The following FARS2 variants were observed in gnomAD, a reference collection of about 807,000 sequenced individuals.
FARS2 encodes the protein phenylalanine--tRNA ligase, mitochondrial.
In FARS2, 40 loss-of-function variants were observed where a neutral mutation model predicts 46.4. The observed-to-expected ratio is 0.86, with a 90% CI of 0.67 to 1.12. FARS2 has a LOEUF of 1.12. FARS2 is among the 50% of genes most tolerant of loss of function. The probability of loss-of-function intolerance (pLI) is 0.00; values close to 1 mark genes in which losing one functional copy is unlikely to be tolerated. For missense variants in FARS2, 513 were observed against 567.9 expected (o/e 0.90, Z 0.98); for synonymous variants, 234 against 214.9 (o/e 1.09, Z -0.78).
At chr6:5,536,414 G>A (rs944141146) in intron 4 of FARS2, among the ~76,000 whole-genome samples, 1 of 152,082 alleles carries the variant, frequency 6.6e-6, no homozygotes, top group African/African-American at 2.4e-5. Flanking sequence ...TGAAAAAATA[G>A]GAGTGTCTGC....
intron 6 of FARS2, among the ~76,000 whole-genome samples, chr6:5,657,450 A>T (rs532336154): frequency 6.6e-6 from 1 of 152,214 alleles, no homozygotes; most frequent in Non-Finnish European, 1.5e-5. Context: ...GCGGGAAATC[A>T]TTGAAATATT....
chr6:5,251,797 C>A, the FARS2 span, among the ~76,000 whole-genome samples: 1 of 152,152 alleles, frequency 6.6e-6, no homozygotes, highest in African/African-American at 2.4e-5. Flanking sequence ...GAGGCAGTCA[C>A]TGTTAAAAGA....
intron 1 of FARS2, among the ~76,000 whole-genome samples, chr6:5,305,936 C>T (rs926473220): frequency 2.0e-5 from 3 of 152,194 alleles, no homozygotes; most frequent in African/African-American, 7.2e-5. Context: ...CAATTCTATT[C>T]AAACTTACAG....
At chr6:5,595,278 A>G (rs1363698409) in intron 5 of FARS2, among the ~76,000 whole-genome samples, 2 of 152,152 alleles carry the variant, frequency 1.3e-5, no homozygotes, top group Non-Finnish European at 2.9e-5. Context: ...TAATCCCTTC[A>G]TACCTTGTGC....
chr6:5,693,756 A>G (rs1757919337), intron 6 of FARS2, among the ~76,000 whole-genome samples: 1 of 152,144 alleles, frequency 6.6e-6, no homozygotes, highest in African/African-American at 2.4e-5. Context: ...CTGGCACTGG[A>G]CGCTGGCTGG....
chr6:5,591,288 G>A (rs1385027185), intron 5 of FARS2, among the ~76,000 whole-genome samples: 1 of 152,152 alleles, frequency 6.6e-6, no homozygotes, highest in Non-Finnish European at 1.5e-5. Context: ...CAGGAACAAG[G>A]GAAAACACTA....
At chr6:5,693,499 G>A (rs1211763662) in intron 6 of FARS2, among the ~76,000 whole-genome samples, 1 of 152,220 alleles carries the variant, frequency 6.6e-6, no homozygotes, top group East Asian at 1.9e-4. Flanking sequence ...GTTTTGCACT[G>A]CTTTGGGGAA....
chr6:5,641,273 C>T (rs559074380), intron 6 of FARS2, among the ~76,000 whole-genome samples: 105 of 151,634 alleles, frequency 6.9e-4, no homozygotes, highest in African/African-American at 2.4e-3. Flanking sequence ...ATCCGTTTCA[C>T]GTGTCCCCAG....
intron 6 of FARS2, among the ~76,000 whole-genome samples, chr6:5,633,848 T>G (rs1380536839): frequency 2.0e-5 from 3 of 152,202 alleles, no homozygotes; most frequent in Non-Finnish European, 4.4e-5. Flanking sequence ...CTGTTGGCAT[T>G]TTACAAACAG....
At chr6:5,536,035 C>T (rs1770170858) in intron 4 of FARS2, among the ~76,000 whole-genome samples, 1 of 150,072 alleles carries the variant, frequency 6.7e-6, no homozygotes, top group Non-Finnish European at 1.5e-5. Context: ...CTTTAAACCT[C>T]TAGTTTTAAT....
At chr6:5,701,286 A>G (rs1037563975) in intron 6 of FARS2, among the ~76,000 whole-genome samples, 4 of 152,254 alleles carry the variant, frequency 2.6e-5, no homozygotes, top group African/African-American at 9.6e-5. Context: ...GGTCAAACAC[A>G]TGAAAAGCCG....
At position 5,717,925 on chromosome 6, in the gene FARS2, T is replaced by TAGAGAGAGAGAGAGAGAGAGAGAGAG. The variant is rs759754794; in HGVS notation, c.1218-53365_1218-53364insGAGAGAGAGAGAGAGAGAGAGAGAGA. ...GGTATCAGCTATATATATATATATA[T>TAGAGAGAGAGAGAGAGAGAGAGAGAG]ATATATATATACAGAGTCTCACTCT... is the stretch of plus-strand genomic sequence containing the variant. On this transcript the variant is annotated intron_variant, in intron 6 of 6. Coordinates refer to ENST00000274680, the MANE Select transcript of FARS2 (RefSeq NM_006567.5). Among the ~76,000 whole-genome samples, 117 of 45,562 alleles carry TAGAGAGAGAGAGAGAGAGAGAGAGAG rather than the reference T, an allele frequency of 2.6e-3. 2 individuals are homozygous for TAGAGAGAGAGAGAGAGAGAGAGAGAG. Among genetic ancestry groups the TAGAGAGAGAGAGAGAGAGAGAGAGAG allele is most frequent in the African/African-American group, 0.02 (108 of 5,464 alleles). 29.9% of individuals were successfully genotyped at this position (45,562 alleles called of 152,430 possible).
intron 5 of FARS2, among the ~76,000 whole-genome samples, chr6:5,574,447 G>A (rs1299705949): frequency 1.3e-5 from 2 of 152,108 alleles, no homozygotes; most frequent in South Asian, 2.1e-4. Flanking sequence ...TGTATGGAGC[G>A]GTCATATTTA....
At chr6:5,585,037 C>A (rs1773541401) in intron 5 of FARS2, among the ~76,000 whole-genome samples, 1 of 152,078 alleles carries the variant, frequency 6.6e-6, no homozygotes, top group Non-Finnish European at 1.5e-5. Flanking sequence ...CATATCAAAA[C>A]ATGGTGCTAA....
At chr6:5,305,632 C>T (rs757770028) in intron 1 of FARS2, among the ~76,000 whole-genome samples, 6 of 152,208 alleles carry the variant, frequency 3.9e-5, no homozygotes, top group Non-Finnish European at 7.3e-5. Flanking sequence ...ATAGCTTCCC[C>T]ACGATCACAC....
chr6:5,461,398 AT>A (rs1221134345), intron 4 of FARS2, among the ~76,000 whole-genome samples: 1 of 152,020 alleles, frequency 6.6e-6, no homozygotes, highest in African/African-American at 2.4e-5. Flanking sequence ...GGGACTTAAC[AT>A]TTTTTTAATA....
At chr6:5,321,691 A>G (rs73367010) in intron 1 of FARS2, among the ~76,000 whole-genome samples, 8,444 of 152,268 alleles carry the variant, frequency 0.055, 272 homozygotes, top group Middle Eastern at 0.13. Context: ...AATGTACCAT[A>G]TAAAGTGCTT....
At chr6:5,687,218 C>T (rs968276513) in intron 6 of FARS2, among the ~76,000 whole-genome samples, 1 of 152,158 alleles carries the variant, frequency 6.6e-6, no homozygotes, top group Non-Finnish European at 1.5e-5. Context: ...TCCCATTTGT[C>T]AATTTTGGCT....
intron 6 of FARS2, among the ~76,000 whole-genome samples, chr6:5,720,009 C>G (rs1759785534): frequency 6.6e-6 from 1 of 151,918 alleles, no homozygotes; most frequent in Non-Finnish European, 1.5e-5. Context: ...AAAAGTTGGC[C>G]TGTGCTTTCC....
Sources: allele counts gnomAD v4.1 joint callset (sites outside exome capture counted in the v4.1 genomes callset), GRCh38; gene constraint gnomAD v4.1.1; transcripts MANE v1.5; gene names NCBI Gene and HGNC (gene_info 2026-07-23, HGNC 2026-07-21).